The following SH3RF3 variants were observed in gnomAD, a reference collection of about 807,000 sequenced individuals.
SH3RF3 encodes the protein SH3 domain containing ring finger 3.
Under a neutral mutation model 66.3 loss-of-function variants are expected in SH3RF3, and 29 were observed. The ratio of observed to expected loss-of-function variants is 0.44; its 90% confidence interval spans 0.33 to 0.60. SH3RF3 has a LOEUF of 0.60. SH3RF3 is among the 20% of genes least tolerant of loss of function. SH3RF3 has a pLI of 0.04. For synonymous variants in SH3RF3, 583 were observed against 532.0 expected (o/e 1.10, Z -1.32); for missense variants, 1,194 against 1,190.9 (o/e 1.00, Z -0.04).
chr2:109,430,367 C>A (rs1037578604), intron 5 of SH3RF3, among the ~76,000 whole-genome samples: 12 of 152,202 alleles, frequency 7.9e-5, no homozygotes, highest in Non-Finnish European at 1.2e-4. Flanking sequence ...ACAAGCCTTC[C>A]ACGGATCCAA....
intron 7 of SH3RF3, among the ~76,000 whole-genome samples, chr2:109,441,548 C>T (rs1677564461): frequency 6.6e-6 from 1 of 152,160 alleles, no homozygotes; most frequent in African/African-American, 2.4e-5. Context: ...AATCCGTGAG[C>T]AATGGGACAA....
At chr2:109,182,043 C>T (rs1678086830) in intron 1 of SH3RF3, among the ~76,000 whole-genome samples, 2 of 152,116 alleles carry the variant, frequency 1.3e-5, no homozygotes, top group Admixed American at 1.3e-4. Flanking sequence ...ATGTGATAAA[C>T]ATATGTATGC....
intron 8 of SH3RF3, among the ~76,000 whole-genome samples, chr2:109,464,170 G>T (rs1195479341): frequency 6.6e-6 from 1 of 152,180 alleles, no homozygotes; most frequent in Non-Finnish European, 1.5e-5. Flanking sequence ...ACCACTTAAT[G>T]AGGGGGCTTG....
In SH3RF3 at chr2:109,129,475, G is replaced by C. The variant is rs184745542; in HGVS notation, c.-66G>C. ...TCCCCAGTCCTGATGCTGGCTGCCG[G>C]TGGCGGGCTCCACGCCGGCCCCGGG... On this transcript the variant is annotated 5_prime_UTR_variant, in exon 1 of 10. Transcript: ENST00000309415. The C allele has an allele frequency of 1.2e-3, 1,751 of 1,494,512 alleles. 24 individuals carry two copies. In the African/African-American group the frequency reaches 0.023, roughly 19 times the overall value. The allele number at this position is 1,494,512 out of a possible 1,614,324, so 92.6% of individuals were successfully genotyped here.
chr2:109,192,215 T>C (rs1360221123), intron 1 of SH3RF3, among the ~76,000 whole-genome samples: 2 of 152,210 alleles, frequency 1.3e-5, no homozygotes, highest in African/African-American at 4.8e-5. Context: ...AACCTCTTTA[T>C]GATTCTGTCT....
chr2:109,299,098 C>T (rs1007460136), intron 1 of SH3RF3, among the ~76,000 whole-genome samples: 6 of 152,194 alleles, frequency 3.9e-5, no homozygotes, highest in African/African-American at 7.2e-5. Context: ...GGCAGGCTCC[C>T]CCAGGGCATT....
At chr2:109,406,835 G>A (rs958568006) in intron 4 of SH3RF3, among the ~76,000 whole-genome samples, 5 of 152,160 alleles carry the variant, frequency 3.3e-5, no homozygotes, top group Non-Finnish European at 5.9e-5. Flanking sequence ...CTGCTCATGC[G>A]CATTTCAGTG....
chr2:109,305,205 A>G lies in SH3RF3; in HGVS notation c.574-42469A>G, dbSNP rs560219847. ...GTTGCCAGGGTTGTGATGTTCTAAT[A>G]TATCTCTTTCTCAGCTGGTTTTAAC... On this transcript the variant is annotated intron_variant, in intron 1 of 9. Transcript: ENST00000309415. 1.6e-4 allele frequency among the ~76,000 whole-genome samples: 25 copies of G among 152,228 alleles called. No homozygotes were observed. The East Asian group carries it at 3.3e-3, about 20-fold the overall frequency.
rs74916993 is a variant in SH3RF3, at chr2:109,197,842, A to C, written c.573+67729A>C. Among the ~76,000 whole-genome samples, 940 of 152,330 alleles carry C rather than the reference A, an allele frequency of 6.2e-3. 7 individuals are homozygous for C. Among genetic ancestry groups the C allele is most frequent in the African/African-American group, 0.021 (889 of 41,578 alleles). On this transcript the variant is annotated intron_variant, in intron 1 of 9. Coordinates refer to ENST00000309415, the MANE Select transcript of SH3RF3 (RefSeq NM_001099289.3). Reference sequence around the variant, plus strand: ...TGGGTTGGGGAGGAACTCCAGGAGAAAGGAAAAAGCCTTACTTTTGCTTTT... The same window carrying C: ...TGGGTTGGGGAGGAACTCCAGGAGACAGGAAAAAGCCTTACTTTTGCTTTT...
chr2:109,191,385 G>A (rs1454785830), intron 1 of SH3RF3, among the ~76,000 whole-genome samples: 1 of 152,234 alleles, frequency 6.6e-6, no homozygotes, highest in Non-Finnish European at 1.5e-5. Flanking sequence ...GGTCAGCTTA[G>A]TCTCTTGCAT....
At chr2:109,374,894 T>C (rs192167398) in intron 3 of SH3RF3, among the ~76,000 whole-genome samples, 2 of 152,266 alleles carry the variant, frequency 1.3e-5, no homozygotes, top group African/African-American at 4.8e-5. Flanking sequence ...ACGGTGGACC[T>C]CACAAAGTAA....
intron 1 of SH3RF3, among the ~76,000 whole-genome samples, chr2:109,208,559 C>T (rs1256417596): frequency 6.6e-6 from 1 of 152,260 alleles, no homozygotes; most frequent in Non-Finnish European, 1.5e-5. Context: ...CCAACCGACC[C>T]ACCTGCAGCA....
chr2:109,392,576 T>G (rs992527947), intron 3 of SH3RF3, among the ~76,000 whole-genome samples: 3 of 152,114 alleles, frequency 2.0e-5, no homozygotes, highest in African/African-American at 7.2e-5. Context: ...TGGCGTGATC[T>G]TGGCTCACTG....
intron 8 of SH3RF3, among the ~76,000 whole-genome samples, chr2:109,471,440 C>T (rs1228268720): frequency 6.6e-6 from 1 of 152,140 alleles, no homozygotes; most frequent in Non-Finnish European, 1.5e-5. Context: ...AACTCACTCA[C>T]TATCACAAGA....
At chr2:109,356,788 C>G (rs183181087) in intron 2 of SH3RF3, among the ~76,000 whole-genome samples, 160 of 152,266 alleles carry the variant, frequency 1.1e-3, no homozygotes, top group African/African-American at 3.7e-3. Context: ...GGTGCAAATC[C>G]CACCCTCCTG....
intron 1 of SH3RF3, among the ~76,000 whole-genome samples, chr2:109,259,986 C>G (rs969386283): frequency 1.3e-5 from 2 of 152,130 alleles, no homozygotes; most frequent in African/African-American, 4.8e-5. Context: ...CTTAGGTTCT[C>G]TTTTCTTCTC....
At chr2:109,460,920 T>A (rs1678194032) in intron 8 of SH3RF3, among the ~76,000 whole-genome samples, 1 of 152,216 alleles carries the variant, frequency 6.6e-6, no homozygotes, top group East Asian at 1.9e-4. Flanking sequence ...AGAGAGGGGC[T>A]GCAGTGCTGC....
Position 109,388,824 on chromosome 2 carries a change from CAGAG to C in SH3RF3, c.946-9760_946-9757del, listed in dbSNP as rs1203406929. Among the ~76,000 whole-genome samples the C allele has an allele frequency of 7.7e-5, 9 of 117,456 alleles. No individual in the cohort carries two copies. The East Asian group carries it at 2.0e-3, about 26-fold the overall frequency. The allele number at this position is 117,456 out of a possible 152,430, so 77.1% of individuals were successfully genotyped here. A position where few individuals can be genotyped will look rare whatever the true frequency, so the allele number is the denominator to read the frequency against. ...TTCTCCTAGGGTTGCTCTGGGATGT[CAGAG>C]AGAGACTAGAGAGAAGGGGGTATAG... On this transcript the variant is annotated intron_variant, in intron 3 of 9. Coordinates refer to ENST00000309415, the MANE Select transcript of SH3RF3 (RefSeq NM_001099289.3).
At chr2:109,388,356 C>A (rs1675879295) in intron 3 of SH3RF3, among the ~76,000 whole-genome samples, 1 of 152,152 alleles carries the variant, frequency 6.6e-6, no homozygotes, top group African/African-American at 2.4e-5. Flanking sequence ...AAGAAAAGTT[C>A]TTGCTGTGAA....
Sources: gnomAD v4.1 joint callset for allele counts (sites outside exome capture counted in the v4.1 genomes callset) on GRCh38, gnomAD v4.1.1 for gene constraint, MANE v1.5 for transcripts, NCBI Gene and HGNC (gene_info 2026-07-23, HGNC 2026-07-21) for gene names.